Variants in CABLES1 observed in about 807,000 individuals in gnomAD.
CABLES1 encodes the protein Cdk5 and Abl enzyme substrate 1.
In CABLES1, 36 loss-of-function variants were observed where a neutral mutation model predicts 57.8. The ratio of observed to expected loss-of-function variants is 0.62; its 90% CI spans 0.48 to 0.82. The LOEUF (loss-of-function observed/expected upper bound fraction) is 0.82. Among genes scored for constraint, CABLES1 ranks in the 40% least tolerant of loss-of-function variants. The pLI is 0.00. For missense variants in CABLES1, 767 were observed against 836.6 expected (o/e 0.92, Z 1.03); for synonymous variants, 374 against 363.0 (o/e 1.03, Z -0.35).
chr18:23,151,900 C>A (rs1039634134), intron 1 of CABLES1, among the ~76,000 whole-genome samples: 2 of 152,082 alleles, frequency 1.3e-5, no homozygotes, highest in Non-Finnish European at 2.9e-5. Context: ...ACATGGGGGC[C>A]ACTTGCACCA....
rs1034155584 is a variant in CABLES1, at chr18:23,259,667, TGGA to T, written c.*2306_*2308del. On this transcript the variant is annotated 3_prime_UTR_variant, in exon 10 of 10. Transcript: ENST00000256925. ...ATGAGCTTTTCGGAGGCAAAGGAAG[TGGA>T]GGAGGGTGAGAGATGCAGGTCACTG... The T allele has an allele frequency of 4.6e-5, 7 of 152,178 alleles. No homozygotes were observed. Among genetic ancestry groups the T allele is most frequent in the African/African-American group, 1.7e-4 (7 of 41,412 alleles). The allele number at this position is 152,178 out of a possible 1,614,324, so 9.4% of individuals were successfully genotyped here.
chr18:23,249,350 T>A lies in CABLES1; in HGVS notation c.1447-3610T>A, dbSNP rs1202098175. On this transcript the variant is annotated intron_variant, in intron 7 of 9. Transcript: ENST00000256925. Reference sequence around the variant, plus strand: ...AGGCGAGTCCTGGGGAGAAGCAGCCTCAGCCCCGGGGGTTTAGGAGGAGGA... The same window carrying A: ...AGGCGAGTCCTGGGGAGAAGCAGCCACAGCCCCGGGGGTTTAGGAGGAGGA... Among the ~76,000 whole-genome samples, 3 of 152,180 alleles carry A rather than the reference T, an allele frequency of 2.0e-5. No individual in the cohort carries two copies. In the East Asian group the frequency reaches 5.8e-4, roughly 29 times the overall value.
intron 3 of CABLES1, among the ~76,000 whole-genome samples, chr18:23,212,768 A>G (rs1307099435): frequency 6.6e-6 from 1 of 152,168 alleles, no homozygotes; most frequent in Admixed American, 6.5e-5. Context: ...GACAGCACCA[A>G]AAAGGGAACA....
chr18:23,222,835 G>A (rs1265138978), intron 4 of CABLES1, among the ~76,000 whole-genome samples: 1 of 152,128 alleles, frequency 6.6e-6, no homozygotes, highest in African/African-American at 2.4e-5. Context: ...TTCTCTCCAA[G>A]TGACTCTGTC....
At chr18:23,159,332 C>CA (rs1320568111) in intron 1 of CABLES1, among the ~76,000 whole-genome samples, 1 of 152,280 alleles carries the variant, frequency 6.6e-6, no homozygotes, top group Non-Finnish European at 1.5e-5. Flanking sequence ...TACTTTCTTA[C>CA]AAAAAAATTG....
chr18:23,172,382 G>T lies in CABLES1; in HGVS notation c.846-16456G>T, dbSNP rs554160022. Among the ~76,000 whole-genome samples the T allele has an allele frequency of 2.6e-5, 4 of 152,282 alleles. No homozygotes were observed. The South Asian group carries it at 6.2e-4, about 24-fold the overall frequency. ...TCTGTTTTAGATAAGAGGGGAAATG[G>T]ACACTTACACACACCTTGCATCTGA... On this transcript the variant is annotated intron_variant, in intron 1 of 9. Coordinates refer to ENST00000256925, the MANE Select transcript of CABLES1 (RefSeq NM_001100619.3).
At chr18:23,165,103 T>C (rs950937657) in intron 1 of CABLES1, among the ~76,000 whole-genome samples, 2 of 151,950 alleles carry the variant, frequency 1.3e-5, no homozygotes, top group Admixed American at 1.3e-4. Flanking sequence ...TTTTTTCTCT[T>C]CTTTTTTAGA....
intron 7 of CABLES1, among the ~76,000 whole-genome samples, chr18:23,249,823 A>C (rs1055846748): frequency 1.3e-5 from 2 of 151,720 alleles, no homozygotes; most frequent in African/African-American, 2.4e-5. Flanking sequence ...TTGTCTAGGG[A>C]GCTACTCTGT....
At chr18:23,253,701 C>CT (rs746725118) in intron 8 of CABLES1, 28 bp from the exon 9 acceptor site, 2 of 1,595,336 alleles carry the variant, frequency 1.3e-6, no homozygotes, top group Admixed American at 3.4e-5. Context: ...TTTCACAAGA[C>CT]TGTTCCCTCT....
At chr18:23,253,114 T>C (rs763909079) in intron 8 of CABLES1, 48 bp downstream of exon 8, 3 of 1,017,194 alleles carry the variant, frequency 2.9e-6, no homozygotes, top group Non-Finnish European at 4.7e-6. Flanking sequence ...AAACCCCTCT[T>C]TCCACACACC....
rs1391373741 is a variant in CABLES1, at chr18:23,135,871, C to T, written c.109C>T (p.Pro37Ser). 1.9e-6 allele frequency: 2 copies of T among 1,033,774 alleles called. No homozygotes were observed. The highest frequency in any genetic ancestry group is 2.3e-6 in the Non-Finnish European group (2 of 864,116). 64.0% of individuals were successfully genotyped at this position (1,033,774 alleles called of 1,614,324 possible). The change falls in exon 1 of 10, where the codon CCT becomes TCT. Residue 37 changes from proline to serine, a missense_variant. By Grantham distance (74) the Pro-to-Ser change is moderately conservative (BLOSUM62 -1). This residue lies in a region of CABLES1 where 198 missense variants were observed against 149.7 expected (regional missense o/e 1.32). Coordinates refer to ENST00000256925, the MANE Select transcript of CABLES1 (RefSeq NM_001100619.3). ...GCAGCAGCCGCCGCCGCAGCCCCAG[C>T]CTCAGCCCGCGGCCGCCGCGCCGGC... Reference protein sequence around the residue: ...GLQQPPPQPQPQPAAAAPAQP... With the variant: ...GLQQPPPQPQSQPAAAAPAQP...
At chr18:23,190,221 C>T (rs567661913) in intron 2 of CABLES1, 19 of 152,298 alleles carry the variant, frequency 1.2e-4, no homozygotes, top group African/African-American at 4.6e-4. Context: ...GAGAGGTGTT[C>T]GCAGGCGCAC....
intron 2 of CABLES1, among the ~76,000 whole-genome samples, chr18:23,193,194 C>CTTTTTTTTTT (rs763239686): frequency 7.0e-6 from 1 of 142,304 alleles, no homozygotes; most frequent in African/African-American, 2.6e-5. Flanking sequence ...AAGAATCTTT[C>CTTTTTTTTTT]TTTTTTTTTT....
intron 1 of CABLES1, among the ~76,000 whole-genome samples, chr18:23,182,798 G>T (rs1322830958): frequency 2.6e-5 from 4 of 152,184 alleles, no homozygotes; most frequent in Non-Finnish European, 5.9e-5. Flanking sequence ...ACTGCATAGG[G>T]GATTGGCCTT....
chr18:23,201,260 C>T (rs1279106830), intron 3 of CABLES1, among the ~76,000 whole-genome samples: 1 of 152,214 alleles, frequency 6.6e-6, no homozygotes, highest in Non-Finnish European at 1.5e-5. Context: ...GCTCACAATG[C>T]AATGCCAATA....
chr18:23,255,602 C>T (rs561979844), intron 9 of CABLES1, among the ~76,000 whole-genome samples: 1 of 150,610 alleles, frequency 6.6e-6, no homozygotes, highest in South Asian at 2.1e-4. Context: ...CTCTGTCACC[C>T]AGACTGGAGT....
chr18:23,153,560 C>A (rs906983769), intron 1 of CABLES1, among the ~76,000 whole-genome samples: 2 of 151,984 alleles, frequency 1.3e-5, no homozygotes, highest in African/African-American at 4.8e-5. Flanking sequence ...ATGGTGAAAC[C>A]CTGTCTCTAC....
At chr18:23,139,634 T>A (rs2046845142) in intron 1 of CABLES1, among the ~76,000 whole-genome samples, 1 of 152,158 alleles carries the variant, frequency 6.6e-6, no homozygotes, top group Non-Finnish European at 1.5e-5. Context: ...CTGGACTGGA[T>A]TCTTGACATC....
At chr18:23,178,601 T>G (rs2047141992) in intron 1 of CABLES1, among the ~76,000 whole-genome samples, 1 of 152,142 alleles carries the variant, frequency 6.6e-6, no homozygotes, top group African/African-American at 2.4e-5. Flanking sequence ...GGGACTGACA[T>G]GAGGGAAAGA....
Sources: gnomAD v4.1 joint callset for allele counts (sites outside exome capture counted in the v4.1 genomes callset) on GRCh38, gnomAD v4.1.1 for gene constraint, gnomAD v4.1.1 regional missense constraint, MANE v1.5 for transcripts, NCBI Gene and HGNC (gene_info 2026-07-23, HGNC 2026-07-21) for gene names.